Variants in CEP104 observed in about 807,000 individuals in gnomAD.
CEP104 encodes the protein centrosomal protein of 104 kDa.
Under a neutral mutation model 113.3 loss-of-function variants are expected in CEP104, and 84 were observed. The ratio of observed to expected loss-of-function variants is 0.74; its 90% CI spans 0.62 to 0.89. The LOEUF is 0.89. Among genes scored for constraint, CEP104 ranks in the 40% least tolerant of loss-of-function variants. The pLI, the probability that CEP104 is intolerant of heterozygous loss-of-function variation, is 0.00. For synonymous variants in CEP104, 378 were observed against 421.7 expected (o/e 0.90, Z 1.27); for missense variants, 1,053 against 1,156.6 (o/e 0.91, Z 1.30).
At chr1:3,852,762 G>A (rs1372447847) in intron 1 of CEP104, among the ~76,000 whole-genome samples, 1 of 152,230 alleles carries the variant, frequency 6.6e-6, no homozygotes, top group African/African-American at 2.4e-5. Flanking sequence ...CTCTGTGGGT[G>A]TGATCTAGTT....
At chr1:3,843,877 T>A (rs1188262420) in intron 6 of CEP104, among the ~76,000 whole-genome samples, 2 of 152,012 alleles carry the variant, frequency 1.3e-5, no homozygotes, top group East Asian at 3.9e-4. Context: ...TTCTCCTGCC[T>A]CAGCCTCCCA....
chr1:3,851,795 G>A lies in CEP104; in HGVS notation c.113+500C>T, dbSNP rs555865593. Among the ~76,000 whole-genome samples, 218 of 152,316 alleles carry A rather than the reference G, an allele frequency of 1.4e-3. 2 individuals carry two copies. Among genetic ancestry groups the A allele is most frequent in the Middle Eastern group, 0.01 (3 of 294 alleles). On this transcript the variant is annotated intron_variant, in intron 2 of 21. Coordinates refer to ENST00000378230, the MANE Select transcript of CEP104 (RefSeq NM_014704.4). ...ATCCTGAGTAGCTGGGACTGCAGGC[G>A]GGAGCCACTGTGCCCAATTGAACAT...
rs918224343 is a variant in CEP104, at chr1:3,813,816, C to G, written c.*1586G>C. 1 of 151,988 alleles carries G rather than the reference C, an allele frequency of 6.6e-6. No homozygotes were observed. Among genetic ancestry groups the G allele is most frequent in the Admixed American group, 6.6e-5 (1 of 15,266 alleles). 9.4% of individuals were successfully genotyped at this position (151,988 alleles called of 1,614,324 possible). A position where few individuals can be genotyped will look rare whatever the true frequency, so the allele number is the denominator to read the frequency against. ...TGTGAGCCAAGATCACGCCATTGCA[C>G]TGCAGCCCGGGCGACACAGTGAGAC... On this transcript the variant is annotated 3_prime_UTR_variant, in exon 22 of 22. Coordinates refer to ENST00000378230, the MANE Select transcript of CEP104 (RefSeq NM_014704.4).
rs1183896461 is a variant in CEP104, at chr1:3,823,715, C to T, written c.2365-153G>A. 1.3e-5 allele frequency among the ~76,000 whole-genome samples: 2 copies of T among 152,214 alleles called. No individual in the cohort carries two copies. The highest frequency in any genetic ancestry group is 2.4e-5 in the African/African-American group (1 of 41,448). ...ACAGGCTTCTATCTTCGGCATTTGC[C>T]CACAGACTGTCTGGAGTCACTTGTG... On this transcript the variant is annotated intron_variant, in intron 18 of 21. Coordinates refer to ENST00000378230, the MANE Select transcript of CEP104 (RefSeq NM_014704.4). The surrounding 1 kb of genome is among the most constrained non-coding windows in gnomAD (Gnocchi z 4.1).
At chr1:3,832,447 C>T (rs1644231207) in intron 12 of CEP104, among the ~76,000 whole-genome samples, 1 of 134,856 alleles carries the variant, frequency 7.4e-6, no homozygotes, top group Non-Finnish European at 1.6e-5. Context: ...AGGTCGTGAC[C>T]AGGAGTGTAG....
chr1:3,836,401 C>T (rs1644311515), intron 10 of CEP104, 94 bp downstream of exon 10: 4 of 1,317,988 alleles, frequency 3.0e-6, no homozygotes, highest in African/African-American at 1.5e-5. Context: ...TGGGCGTTTT[C>T]CCTCCTTTAT....
intron 8 of CEP104, among the ~76,000 whole-genome samples, chr1:3,838,761 G>A (rs1358532258): frequency 1.3e-5 from 2 of 152,178 alleles, no homozygotes; most frequent in African/African-American, 4.8e-5. Flanking sequence ...CCTTTCCCAC[G>A]ACTGTGAGTC....
At position 3,841,468 on chromosome 1, in the gene CEP104, C is replaced by A. The variant is rs549566951; in HGVS notation, c.567-1692G>T. ...ACTATTTTTAGTGTAACACATATGA[C>A]ACTTTAAGTCACGTTGCCTTGCTGT... On this transcript the variant is annotated intron_variant, in intron 6 of 21. Coordinates refer to ENST00000378230, the MANE Select transcript of CEP104 (RefSeq NM_014704.4). Among the ~76,000 whole-genome samples, 17 of 152,306 alleles carry A rather than the reference C, an allele frequency of 1.1e-4. No individual in the cohort carries two copies. In the South Asian group the frequency reaches 1.9e-3, roughly 17 times the overall value.
chr1:3,826,134 C>T (rs1421417375), intron 17 of CEP104, among the ~76,000 whole-genome samples: 2 of 152,154 alleles, frequency 1.3e-5, no homozygotes, highest in East Asian at 3.9e-4. Context: ...GCGAACGATC[C>T]TTCTGAAATT....
At chr1:3,822,662 C>G (rs577435692) in intron 20 of CEP104, 2 of 152,870 alleles carry the variant, frequency 1.3e-5, no homozygotes, top group African/African-American at 4.9e-5. Flanking sequence ...GAGCCGAGCA[C>G]GTGGGGAAGT....
intron 2 of CEP104, 141 bp from the exon 3 acceptor site, chr1:3,848,922 A>G: frequency 1.6e-6 from 1 of 626,864 alleles, no homozygotes; most frequent in Non-Finnish European, 2.7e-6. Context: ...GATGGTACAA[A>G]GATGCCTGCG....
intron 15 of CEP104, among the ~76,000 whole-genome samples, chr1:3,828,484 TC>T (rs1202389751): frequency 6.6e-6 from 1 of 152,198 alleles, no homozygotes; most frequent in Non-Finnish European, 1.5e-5. Flanking sequence ...TGATCTTTTT[TC>T]CCCATTCGTA....
intron 13 of CEP104, among the ~76,000 whole-genome samples, chr1:3,830,798 CAAAG>C (rs1313828630): frequency 4.9e-5 from 7 of 144,094 alleles, no homozygotes; most frequent in East Asian, 2.0e-4. Context: ...AAAAAAAAGA[CAAAG>C]AAATATTTTT....
intron 6 of CEP104, chr1:3,843,324 C>T (rs1360443647): frequency 5.0e-6 from 2 of 403,500 alleles, no homozygotes; most frequent in South Asian, 3.4e-5. Context: ...TCTTACACTG[C>T]TAAAAAAAAA....
At chr1:3,831,983 G>A (rs1175145148) in intron 12 of CEP104, among the ~76,000 whole-genome samples, 2 of 152,204 alleles carry the variant, frequency 1.3e-5, no homozygotes, top group Admixed American at 6.5e-5. Context: ...ACAAACAGAT[G>A]CTGTTGAGTG....
intron 5 of CEP104, 82 bp from the exon 6 acceptor site, chr1:3,845,065 T>C (rs1316132306): frequency 2.4e-6 from 3 of 1,246,574 alleles, no homozygotes; most frequent in Non-Finnish European, 3.5e-6. Flanking sequence ...TTATTTCATA[T>C]AAAGCTGTCA....
At position 3,823,762 on chromosome 1, in the gene CEP104, G is replaced by A. The variant is rs1644028518; in HGVS notation, c.2365-200C>T. Among the ~76,000 whole-genome samples the A allele has an allele frequency of 6.6e-6, 1 of 152,166 alleles. No individual in the cohort carries two copies. Among genetic ancestry groups the A allele is most frequent in the Non-Finnish European group, 1.5e-5 (1 of 68,036 alleles). On this transcript the variant is annotated intron_variant, in intron 18 of 21. Transcript: ENST00000378230. The surrounding 1 kb of genome is among the most constrained non-coding windows in gnomAD (Gnocchi z 4.1). Reference sequence around the variant, plus strand: ...TGTGATACTTTGCTGAAGACCCCACGTCCTTCCTTTCCTGTCATCTTAGCA... The same window carrying A: ...TGTGATACTTTGCTGAAGACCCCACATCCTTCCTTTCCTGTCATCTTAGCA...
At chr1:3,825,076 G>T (rs1359413997) in intron 18 of CEP104, among the ~76,000 whole-genome samples, 1 of 40,532 alleles carries the variant, frequency 2.5e-5, no homozygotes, top group Non-Finnish European at 4.7e-5. Context: ...ACTGTGGGAA[G>T]GGAGCAGTGG....
chr1:3,831,650 G>A lies in CEP104; in HGVS notation c.1660-428C>T, dbSNP rs146669912. On this transcript the variant is annotated intron_variant, in intron 12 of 21. Transcript: ENST00000378230. ...AGAGTGTATGATTCTGCAGTGATAC[G>A]GTCACCAGTGGGTTAAGATGGAAAA... is the stretch of plus-strand genomic sequence containing the variant. Among the ~76,000 whole-genome samples the A allele has an allele frequency of 6.0e-3, 914 of 152,230 alleles. 10 individuals are homozygous for A. Among genetic ancestry groups the A allele is most frequent in the African/African-American group, 0.02 (845 of 41,530 alleles).
Sources: allele counts gnomAD v4.1 joint callset (sites outside exome capture counted in the v4.1 genomes callset), GRCh38; gene constraint gnomAD v4.1.1; non-coding constraint Gnocchi (gnomAD v3.1); transcripts MANE v1.5; gene names NCBI Gene and HGNC (gene_info 2026-07-23, HGNC 2026-07-21).